The following TTBK2 variants were observed in gnomAD, a reference collection of about 807,000 sequenced individuals.
TTBK2 encodes tau tubulin kinase 2, also known as tau-tubulin kinase 2.
A neutral mutation model predicts 110.8 loss-of-function variants in TTBK2; 28 were observed. The ratio of observed to expected loss-of-function variants is 0.25; its 90% CI spans 0.19 to 0.35. TTBK2 has a LOEUF of 0.35. TTBK2 is among the 10% of genes least tolerant of loss of function. The pLI, the probability that TTBK2 is intolerant of heterozygous loss-of-function variation, is 1.00. For synonymous variants in TTBK2, 532 were observed against 527.3 expected, an observed-to-expected ratio of 1.01 and a Z score of -0.12; for missense variants, 1,369 against 1,500.3, an observed-to-expected ratio of 0.91 and a Z score of 1.45.
chr15:42,891,137 GT>G (rs1214786592), intron 1 of TTBK2, among the ~76,000 whole-genome samples: 1 of 149,074 alleles, frequency 6.7e-6, no homozygotes, highest in East Asian at 2.0e-4. Context: ...GCCTCCCAAA[GT>G]GCTGGGATTA....
At chr15:42,887,016 T>C (rs887244197) in intron 1 of TTBK2, among the ~76,000 whole-genome samples, 3 of 152,230 alleles carry the variant, frequency 2.0e-5, no homozygotes, top group African/African-American at 7.2e-5. Flanking sequence ...ACTCTTACAA[T>C]GGAGGGTAAG....
At position 42,744,906 on chromosome 15, in the gene TTBK2, C is replaced by T. The variant is rs1038682016; in HGVS notation, c.*889G>A. ...GAAGCAGTCTACTCTGGTCAGTTTT[C>T]CTTCTACTCAAGTTTCTAAAGGAGG... On this transcript the variant is annotated 3_prime_UTR_variant, in exon 15 of 15. Coordinates refer to ENST00000267890, the MANE Select transcript of TTBK2 (RefSeq NM_173500.4). The T allele has an allele frequency of 1.3e-5, 2 of 154,028 alleles. No individual in the cohort carries two copies. Among genetic ancestry groups the T allele is most frequent in the Non-Finnish European group, 2.9e-5 (2 of 68,166 alleles). 9.5% of individuals were successfully genotyped at this position (154,028 alleles called of 1,614,324 possible).
chr15:42,893,575 TA>T (rs552611338), intron 1 of TTBK2, among the ~76,000 whole-genome samples: 32 of 150,918 alleles, frequency 2.1e-4, no homozygotes, highest in African/African-American at 6.8e-4. Flanking sequence ...AGCTTCCACC[TA>T]GGGGGAAAAG....
chr15:42,875,833 G>C (rs900723244), intron 2 of TTBK2, among the ~76,000 whole-genome samples: 3 of 150,188 alleles, frequency 2.0e-5, no homozygotes, highest in Non-Finnish European at 4.4e-5. Context: ...TTGAACCCGG[G>C]AGGCGCAGGC....
chr15:42,806,722 A>C (rs549048863), intron 9 of TTBK2, among the ~76,000 whole-genome samples: 1 of 152,154 alleles, frequency 6.6e-6, no homozygotes, highest in Non-Finnish European at 1.5e-5. Flanking sequence ...CTTGGCTTAC[A>C]ATCAAGCTTC....
intron 13 of TTBK2, among the ~76,000 whole-genome samples, chr15:42,772,118 T>C (rs1185413500): frequency 1.3e-5 from 2 of 152,122 alleles, no homozygotes. Context: ...TTGTACAGCG[T>C]TGGTCTTTGT....
In TTBK2 at chr15:42,878,595, A is replaced by G. The variant is rs6493068; in HGVS notation, c.23T>C (p.Leu8Pro). 0.35 allele frequency: 559,155 copies of G among 1,612,962 alleles called. 109,937 individuals are homozygous for G. Among genetic ancestry groups the G allele is most frequent in the African/African-American group, 0.87 (64,850 of 74,736 alleles). The change falls in exon 2 of 15, where the codon CTG becomes CCG. Residue 8 changes from leucine to proline, a missense_variant. Physicochemically the swap from Leu to Pro is moderately conservative, Grantham distance 98. This residue lies in a region of TTBK2 where 122 missense variants were observed against 159.7 expected (regional missense o/e 0.76). Transcript: ENST00000267890. Reference protein sequence around the residue: MSGGGEQLDILSVGILVK... With the variant: MSGGGEQPDILSVGILVK... ...TAGGATTCCAACACTCAGGATATCC[A>G]GCTGCTCTCCTCCCCCACTCATTGC...
At chr15:42,891,111 T>C (rs1185334573) in intron 1 of TTBK2, among the ~76,000 whole-genome samples, 2 of 150,976 alleles carry the variant, frequency 1.3e-5, no homozygotes, top group African/African-American at 2.4e-5. Context: ...TGACCTCAGG[T>C]GATCCACCCA....
intron 13 of TTBK2, among the ~76,000 whole-genome samples, chr15:42,758,955 C>T (rs1156895743): frequency 2.0e-5 from 3 of 152,210 alleles, no homozygotes; most frequent in South Asian, 2.1e-4. Flanking sequence ...TTCCCACCCA[C>T]CCATGAGCCA....
At chr15:42,818,592 T>C (rs1057259641) in intron 6 of TTBK2, among the ~76,000 whole-genome samples, 2 of 151,734 alleles carry the variant, frequency 1.3e-5, no homozygotes, top group Non-Finnish European at 2.9e-5. Flanking sequence ...TGGTGGCAGG[T>C]GCCTGTAGTC....
chr15:42,886,571 G>A (rs956797232), intron 1 of TTBK2, among the ~76,000 whole-genome samples: 21 of 151,954 alleles, frequency 1.4e-4, no homozygotes, highest in African/African-American at 4.6e-4. Flanking sequence ...TACCCAATCC[G>A]CTCCCGACAT....
In TTBK2 at chr15:42,838,943, C is replaced by G. The variant is rs183043179; in HGVS notation, c.291+1417G>C. Among the ~76,000 whole-genome samples, 46 of 152,030 alleles carry G rather than the reference C, an allele frequency of 3.0e-4. No individual in the cohort carries two copies. In the Middle Eastern group the frequency reaches 0.01, roughly 34 times the overall value. On this transcript the variant is annotated intron_variant, in intron 4 of 14. Transcript: ENST00000267890. ...AGACAAGACTTGCTATGGTTTTTTT[C>G]TTTTTCAATATTTATTTTAGGTTCG...
At chr15:42,830,790 G>A (rs1349272010) in intron 4 of TTBK2, among the ~76,000 whole-genome samples, 2 of 152,044 alleles carry the variant, frequency 1.3e-5, no homozygotes, top group Admixed American at 1.3e-4. Context: ...CGGATCATGA[G>A]GTCAGGAGAT....
At chr15:42,878,478 C>T in intron 2 of TTBK2, 71 bp downstream of exon 2, 1 of 1,579,358 alleles carries the variant, frequency 6.3e-7, no homozygotes, top group Non-Finnish European at 8.5e-7. Context: ...CCAAAAATTA[C>T]CCCCCGATAT....
intron 1 of TTBK2, among the ~76,000 whole-genome samples, chr15:42,894,757 A>G (rs535466055): frequency 6.6e-5 from 10 of 152,314 alleles, no homozygotes; most frequent in African/African-American, 2.2e-4. Context: ...TGTCTCAAAA[A>G]GAAAACAAAA....
chr15:42,852,132 C>T (rs559690297), intron 3 of TTBK2, among the ~76,000 whole-genome samples: 84 of 151,720 alleles, frequency 5.5e-4, no homozygotes, highest in Non-Finnish European at 9.0e-4. Context: ...TGCAGTCACG[C>T]GATCTCGGCT....
chr15:42,746,363 T>G (rs2061795563), intron 14 of TTBK2, 106 bp from the exon 15 acceptor site: 2 of 878,456 alleles, frequency 2.3e-6, no homozygotes, highest in African/African-American at 3.4e-5. Flanking sequence ...AATCAGAAAA[T>G]AGACTAACAG....
intron 1 of TTBK2, among the ~76,000 whole-genome samples, chr15:42,908,962 T>C (rs1265401377): frequency 1.3e-5 from 2 of 152,196 alleles, no homozygotes; most frequent in South Asian, 2.1e-4. Flanking sequence ...GTAACAAATA[T>C]GACAAATTTA....
intron 7 of TTBK2, among the ~76,000 whole-genome samples, chr15:42,812,317 T>C (rs1891758223): frequency 6.6e-6 from 1 of 152,008 alleles, no homozygotes; most frequent in South Asian, 2.1e-4. Context: ...ACTGTAATTG[T>C]TTTCTGTAAA....
Sources: allele counts gnomAD v4.1 joint callset (sites outside exome capture counted in the v4.1 genomes callset), GRCh38; gene constraint gnomAD v4.1.1; regional missense constraint gnomAD v4.1.1; transcripts MANE v1.5; gene names NCBI Gene and HGNC (gene_info 2026-07-23, HGNC 2026-07-21).